Variants in GPC6 observed in about 807,000 individuals in gnomAD.
GPC6 encodes glypican 6.
A neutral mutation model predicts 55.2 loss-of-function variants in GPC6; 14 were observed. The ratio of observed to expected loss-of-function variants is 0.25; its 90% CI spans 0.17 to 0.40. The LOEUF (loss-of-function observed/expected upper bound fraction) is 0.40, where lower values mean the gene tolerates loss of function less well. GPC6 is among the 10% of genes least tolerant of loss of function. The pLI is 1.00. For synonymous variants in GPC6, 278 were observed against 259.6 expected, an observed-to-expected ratio of 1.07 and a Z score of -0.68; for missense variants, 641 against 708.5, an observed-to-expected ratio of 0.90 and a Z score of 1.08.
chr13:94,364,863 C>T (rs1879220830), intron 6 of GPC6, among the ~76,000 whole-genome samples: 1 of 152,168 alleles, frequency 6.6e-6, no homozygotes, highest in Non-Finnish European at 1.5e-5. Flanking sequence ...AAGGAAGATG[C>T]CCCTCCCTAT....
At chr13:93,916,470 A>G (rs1877300667) in intron 3 of GPC6, among the ~76,000 whole-genome samples, 1 of 152,172 alleles carries the variant, frequency 6.6e-6, no homozygotes, top group South Asian at 2.1e-4. Flanking sequence ...GGAAACTGAC[A>G]GTAAGTGTAA....
intron 1 of GPC6, among the ~76,000 whole-genome samples, chr13:93,467,950 G>A (rs1400501903): frequency 6.6e-6 from 1 of 151,962 alleles, no homozygotes; most frequent in African/African-American, 2.4e-5. Context: ...CACTTGTGGT[G>A]GTCTTGTGAG....
At chr13:93,794,160 T>C (rs1886129939) in intron 2 of GPC6, among the ~76,000 whole-genome samples, 1 of 152,240 alleles carries the variant, frequency 6.6e-6, no homozygotes, top group Admixed American at 6.5e-5. Flanking sequence ...AGATTTATGA[T>C]GGATTTTATG....
At chr13:93,386,129 C>T (rs1007757581) in intron 1 of GPC6, among the ~76,000 whole-genome samples, 2 of 150,076 alleles carry the variant, frequency 1.3e-5, no homozygotes, top group African/African-American at 2.4e-5. Flanking sequence ...CCCACCTATC[C>T]ACTATACTCA....
At chr13:93,852,220 C>T (rs928241784) in intron 3 of GPC6, among the ~76,000 whole-genome samples, 3 of 151,750 alleles carry the variant, frequency 2.0e-5, no homozygotes, top group African/African-American at 7.3e-5. Context: ...AACAAAGGAA[C>T]ACACATGGAA....
chr13:93,903,005 G>C (rs530718779), intron 3 of GPC6, among the ~76,000 whole-genome samples: 22 of 152,144 alleles, frequency 1.4e-4, no homozygotes, highest in Non-Finnish European at 2.9e-4. Context: ...AATAAATTGT[G>C]CTGCAAAAAC....
intron 6 of GPC6, among the ~76,000 whole-genome samples, chr13:94,307,084 A>G (rs1488529999): frequency 1.3e-5 from 2 of 150,832 alleles, no homozygotes; most frequent in Non-Finnish European, 3.0e-5. Context: ...TGTAGAACTC[A>G]TAAGATTATA....
Position 93,893,209 on chromosome 13 carries a change from G to A in GPC6, c.711+62664G>A, listed in dbSNP as rs1369000482. Among the ~76,000 whole-genome samples the A allele has an allele frequency of 3.9e-5, 6 of 151,902 alleles. No homozygotes were observed. In the East Asian group the frequency reaches 9.7e-4, roughly 25 times the overall value. ...CGAATAGCTGGGATCACAGGTGCCT[G>A]CCACCACGCGTGGCTAATTTTTGTA... is the stretch of plus-strand genomic sequence containing the variant. On this transcript the variant is annotated intron_variant, in intron 3 of 8. Coordinates refer to ENST00000377047, the MANE Select transcript of GPC6 (RefSeq NM_005708.5).
At chr13:93,687,499 A>T (rs919259231) in intron 2 of GPC6, among the ~76,000 whole-genome samples, 1 of 152,090 alleles carries the variant, frequency 6.6e-6, no homozygotes, top group Admixed American at 6.6e-5. Context: ...TTGGTGTGCT[A>T]TATTAAGTAG....
chr13:93,833,666 A>T (rs1887618224), intron 3 of GPC6, among the ~76,000 whole-genome samples: 2 of 152,134 alleles, frequency 1.3e-5, no homozygotes, highest in African/African-American at 2.4e-5. Context: ...CTTTGACTGG[A>T]AAATTTACCT....
Position 94,374,580 on chromosome 13 carries a change from A to G in GPC6, c.1153-7834A>G, listed in dbSNP as rs1050730312. Among the ~76,000 whole-genome samples the G allele has an allele frequency of 5.5e-5, 8 of 146,350 alleles. No individual in the cohort carries two copies. The East Asian group carries it at 1.2e-3, about 22-fold the overall frequency. ...ATAAAGCAAGTCCTGAGTGACCTAC[A>G]AAGAGACTTAGACTCCCACACATTA... On this transcript the variant is annotated intron_variant, in intron 6 of 8. Coordinates refer to ENST00000377047, the MANE Select transcript of GPC6 (RefSeq NM_005708.5).
intron 1 of GPC6, among the ~76,000 whole-genome samples, chr13:93,370,336 C>G (rs994179066): frequency 2.6e-5 from 4 of 152,054 alleles, no homozygotes; most frequent in African/African-American, 4.8e-5. Context: ...CATAAACACC[C>G]CAACTTAAAT....
chr13:94,024,781 G>T (rs1357246817), intron 3 of GPC6, among the ~76,000 whole-genome samples: 1 of 152,096 alleles, frequency 6.6e-6, no homozygotes, highest in Non-Finnish European at 1.5e-5. Context: ...GCTTTGGAAT[G>T]AATGCAATCA....
intron 1 of GPC6, among the ~76,000 whole-genome samples, chr13:93,353,702 CT>C (rs1198287016): frequency 2.6e-4 from 40 of 152,206 alleles, no homozygotes; most frequent in Admixed American, 2.6e-3. Context: ...TCTGGGTCAT[CT>C]GTTTTTTTGC....
intron 2 of GPC6, among the ~76,000 whole-genome samples, chr13:93,568,156 A>G (rs998704660): frequency 1.3e-5 from 2 of 152,234 alleles, no homozygotes; most frequent in African/African-American, 2.4e-5. Flanking sequence ...GAAGGGATTC[A>G]GATACTCCCT....
intron 2 of GPC6, among the ~76,000 whole-genome samples, chr13:93,548,174 A>G (rs1874931499): frequency 6.6e-6 from 1 of 152,174 alleles, no homozygotes; most frequent in South Asian, 2.1e-4. Context: ...GTCATTTTGC[A>G]TCATTGCTGG....
intron 6 of GPC6, among the ~76,000 whole-genome samples, chr13:94,320,698 A>G (rs953224842): frequency 1.3e-5 from 2 of 152,110 alleles, no homozygotes; most frequent in Non-Finnish European, 2.9e-5. Context: ...TGTCCTTTGG[A>G]CCAAATCCAT....
At chr13:93,679,968 A>G (rs1204923911) in intron 2 of GPC6, among the ~76,000 whole-genome samples, 1 of 152,164 alleles carries the variant, frequency 6.6e-6, no homozygotes, top group Non-Finnish European at 1.5e-5. Context: ...CAGATGGCAG[A>G]TCATGACAAT....
At chr13:93,677,363 A>G (rs1298918956) in intron 2 of GPC6, among the ~76,000 whole-genome samples, 1 of 152,156 alleles carries the variant, frequency 6.6e-6, no homozygotes, top group Non-Finnish European at 1.5e-5. Flanking sequence ...ATAAATACAG[A>G]GTATATTATT....
Sources: gnomAD v4.1 joint callset for allele counts (sites outside exome capture counted in the v4.1 genomes callset) on GRCh38, gnomAD v4.1.1 for gene constraint, MANE v1.5 for transcripts, NCBI Gene and HGNC (gene_info 2026-07-23, HGNC 2026-07-21) for gene names.